The following PDE4B variants were observed in gnomAD, a reference collection of about 807,000 sequenced individuals.
PDE4B encodes the protein 3',5'-cyclic-AMP phosphodiesterase 4B.
A neutral mutation model predicts 82.2 loss-of-function variants in PDE4B; 20 were observed. The ratio of observed to expected loss-of-function variants is 0.24; its 90% confidence interval spans 0.17 to 0.35. PDE4B has a LOEUF of 0.35. PDE4B is among the 10% of genes least tolerant of loss of function. PDE4B has a pLI of 1.00. For missense variants in PDE4B, 655 were observed against 907.2 expected, an observed-to-expected ratio of 0.72 and a Z score of 3.57; for synonymous variants, 320 against 318.9, an observed-to-expected ratio of 1.00 and a Z score of -0.04.
chr1:66,247,659 G>A lies in PDE4B; in HGVS notation c.476+5G>A. ...CTCTTCTCTTCCAAGCGAGCAGTAA[G>A]TACAAGCTCTGTCTGGCTTCCAGTT... is the stretch of plus-strand genomic sequence containing the variant. On this transcript the variant is annotated splice_donor_5th_base_variant and intron_variant, in intron 4 of 16. Transcript: ENST00000341517. The A allele has an allele frequency of 6.4e-7, 1 of 1,557,854 alleles. No homozygotes were observed. The highest frequency in any genetic ancestry group is 8.7e-7 in the Non-Finnish European group (1 of 1,148,804).
At chr1:66,092,666 C>G (rs1001972445) in intron 3 of PDE4B, among the ~76,000 whole-genome samples, 2 of 151,954 alleles carry the variant, frequency 1.3e-5, no homozygotes, top group African/African-American at 4.8e-5. Context: ...AACAAAGAAA[C>G]CTCTTCTGAT....
chr1:66,227,936 T>C (rs1424495387), intron 3 of PDE4B, among the ~76,000 whole-genome samples: 1 of 152,228 alleles, frequency 6.6e-6, no homozygotes, highest in African/African-American at 2.4e-5. Context: ...GTAATCATCA[T>C]CAGTCCTTGT....
intron 7 of PDE4B, among the ~76,000 whole-genome samples, chr1:66,313,495 GAACCAAA>G (rs1332085831): frequency 6.6e-6 from 1 of 152,140 alleles, no homozygotes; most frequent in Non-Finnish European, 1.5e-5. Context: ...CATCATGTGT[GAACCAAA>G]GAGTTGGATT....
At chr1:65,919,542 G>A (rs564277617) in intron 3 of PDE4B, among the ~76,000 whole-genome samples, 3 of 151,934 alleles carry the variant, frequency 2.0e-5, no homozygotes, top group Non-Finnish European at 2.9e-5. Context: ...ATATTTTTCA[G>A]GAAGGATTGG....
At chr1:66,350,426 G>A (rs893872158) in intron 8 of PDE4B, among the ~76,000 whole-genome samples, 3 of 151,940 alleles carry the variant, frequency 2.0e-5, no homozygotes, top group African/African-American at 7.3e-5. Context: ...CTCATCCTGA[G>A]GTTATCCATG....
intron 1 of PDE4B, among the ~76,000 whole-genome samples, chr1:65,896,251 G>A (rs1428241381): frequency 6.6e-6 from 1 of 152,128 alleles, no homozygotes; most frequent in Non-Finnish European, 1.5e-5. Context: ...CAAATGAGGA[G>A]CAAAGTCATG....
chr1:66,280,482 A>G (rs1656215371), intron 7 of PDE4B, among the ~76,000 whole-genome samples: 1 of 152,266 alleles, frequency 6.6e-6, no homozygotes, highest in South Asian at 2.1e-4. Context: ...GACCAGAAAT[A>G]TCTCAGGGGA....
At chr1:66,182,298 A>G (rs1647083326) in intron 3 of PDE4B, among the ~76,000 whole-genome samples, 1 of 152,202 alleles carries the variant, frequency 6.6e-6, no homozygotes, top group Non-Finnish European at 1.5e-5. Flanking sequence ...GAAACACGTC[A>G]GAATTCATCA....
chr1:66,066,532 A>C (rs1655858416), intron 3 of PDE4B, among the ~76,000 whole-genome samples: 1 of 151,938 alleles, frequency 6.6e-6, no homozygotes, highest in African/African-American at 2.4e-5. Flanking sequence ...TTGAAATGTT[A>C]ATGCACATGT....
chr1:65,918,778 C>G lies in PDE4B; in HGVS notation c.224C>G (p.Thr75Ser). 1 of 1,614,020 alleles carries G rather than the reference C, an allele frequency of 6.2e-7. No homozygotes were observed. The highest frequency in any genetic ancestry group is 1.3e-5 in the African/African-American group (1 of 75,046). Residue 75 changes from threonine to serine, a missense_variant, in exon 3 of 17, where the codon ACC becomes AGC. Thr to Ser is a moderately conservative substitution (Grantham distance 58). This residue lies in a region of PDE4B where 253 missense variants were observed against 275.6 expected (regional missense o/e 0.92). Transcript: ENST00000341517. ...GAGGGAGATGGTATTTCCAGGCCGA[C>G]CACACTGCCTTTGACAACGCTTCCA... ...TPEGDGISRPTTLPLTTLPSI... is the reference protein window; with the variant it reads ...TPEGDGISRPSTLPLTTLPSI...
intron 3 of PDE4B, among the ~76,000 whole-genome samples, chr1:66,144,293 C>T (rs1267849533): frequency 2.6e-5 from 4 of 152,142 alleles, no homozygotes; most frequent in African/African-American, 7.2e-5. Context: ...ATGTGTCAGA[C>T]ATTTTACTGG....
chr1:65,957,817 A>G (rs1357803282), intron 3 of PDE4B, among the ~76,000 whole-genome samples: 2 of 152,066 alleles, frequency 1.3e-5, no homozygotes, highest in African/African-American at 4.8e-5. Flanking sequence ...TATATTTTCA[A>G]TCTGTGGCTG....
intron 3 of PDE4B, among the ~76,000 whole-genome samples, chr1:66,109,400 G>A (rs1323090473): frequency 6.6e-6 from 1 of 151,698 alleles, no homozygotes; most frequent in Non-Finnish European, 1.5e-5. Context: ...GATGAGGATG[G>A]GGGAATGAAG....
chr1:66,224,570 T>G (rs796782221), intron 3 of PDE4B, among the ~76,000 whole-genome samples: 1 of 152,082 alleles, frequency 6.6e-6, no homozygotes, highest in African/African-American at 2.4e-5. Context: ...ACTAAAAAAC[T>G]TACGTGGGCA....
At chr1:66,187,294 C>A (rs1011589057) in intron 3 of PDE4B, among the ~76,000 whole-genome samples, 4 of 151,728 alleles carry the variant, frequency 2.6e-5, no homozygotes, top group African/African-American at 9.7e-5. Flanking sequence ...CTAAAATTCT[C>A]TTTTTTGGTT....
chr1:66,252,089 A>G (rs988898567), intron 4 of PDE4B, among the ~76,000 whole-genome samples: 2 of 152,186 alleles, frequency 1.3e-5, no homozygotes, highest in Non-Finnish European at 2.9e-5. Context: ...AGCAGTTAGT[A>G]CATATTTGCA....
chr1:65,924,275 T>A (rs1000194105), intron 3 of PDE4B, among the ~76,000 whole-genome samples: 1 of 148,692 alleles, frequency 6.7e-6, no homozygotes, highest in African/African-American at 2.5e-5. Flanking sequence ...GGGGTTTCAC[T>A]GTTTTAGCCG....
chr1:66,368,639 C>G (rs953358058), intron 15 of PDE4B, 148 bp from the exon 16 acceptor site: 1 of 491,492 alleles, frequency 2.0e-6, no homozygotes, highest in African/African-American at 2.0e-5. Context: ...CATTGTAATT[C>G]CATTTTTTTT....
At chr1:66,145,892 T>C (rs1646258508) in intron 3 of PDE4B, among the ~76,000 whole-genome samples, 1 of 152,206 alleles carries the variant, frequency 6.6e-6, no homozygotes, top group Non-Finnish European at 1.5e-5. Context: ...AGCCCTGATG[T>C]TGAATAATGA....
Sources: allele counts gnomAD v4.1 joint callset (sites outside exome capture counted in the v4.1 genomes callset), GRCh38; gene constraint gnomAD v4.1.1; regional missense constraint gnomAD v4.1.1; transcripts MANE v1.5; gene names NCBI Gene and HGNC (gene_info 2026-07-23, HGNC 2026-07-21).